MKLN1: variants seen among roughly 807,000 people sequenced by gnomAD.
MKLN1 encodes the protein muskelin 1.
In MKLN1, 18 loss-of-function variants were observed where a neutral mutation model predicts 99.0. The observed-to-expected ratio is 0.18, with a 90% CI of 0.13 to 0.27. MKLN1 has a LOEUF of 0.27. Among genes scored for constraint, MKLN1 ranks in the 10% least tolerant of loss-of-function variants. The probability of loss-of-function intolerance (pLI) is 1.00; values close to 1 mark genes in which losing one functional copy is unlikely to be tolerated. For missense variants in MKLN1, 621 were observed against 875.9 expected (o/e 0.71, Z 3.67); for synonymous variants, 288 against 293.2 (o/e 0.98, Z 0.18).
At chr7:131,206,920 A>C (rs1796821286) in intron 3 of MKLN1, among the ~76,000 whole-genome samples, 1 of 152,092 alleles carries the variant, frequency 6.6e-6, no homozygotes, top group African/African-American at 2.4e-5. Flanking sequence ...CATGATTTAA[A>C]ATGTTGCCAA....
chr7:131,421,795 C>T (rs1397413029), intron 8 of MKLN1, among the ~76,000 whole-genome samples: 1 of 152,016 alleles, frequency 6.6e-6, no homozygotes, highest in Non-Finnish European at 1.5e-5. Flanking sequence ...AAGTTTAAAA[C>T]AACTTGAAAA....
At chr7:131,417,840 G>A (rs752740993) in intron 8 of MKLN1, among the ~76,000 whole-genome samples, 2 of 152,150 alleles carry the variant, frequency 1.3e-5, no homozygotes, top group South Asian at 4.2e-4. Flanking sequence ...GTTACGTCTG[G>A]TGGTACAATT....
intron 2 of MKLN1, among the ~76,000 whole-genome samples, chr7:131,162,120 G>GCCTCCTGAGTTCAAGCGAT (rs1796064137): frequency 6.6e-6 from 1 of 150,980 alleles, no homozygotes; most frequent in Non-Finnish European, 1.5e-5. Context: ...TGCAACCTCC[G>GCCTCCTGAGTTCAAGCGAT]CCTCCTGAGT....
intron 3 of MKLN1, among the ~76,000 whole-genome samples, chr7:131,292,532 T>A (rs1798236549): frequency 6.6e-6 from 1 of 152,200 alleles, no homozygotes; most frequent in Non-Finnish European, 1.5e-5. Context: ...GGGCTCCTAA[T>A]CCAATCTGAC....
At chr7:131,477,645 C>G (rs1797005433) in intron 16 of MKLN1, among the ~76,000 whole-genome samples, 1 of 152,154 alleles carries the variant, frequency 6.6e-6, no homozygotes, top group African/African-American at 2.4e-5. Context: ...TTTCATAACT[C>G]TTGCTTAGAT....
intron 3 of MKLN1, among the ~76,000 whole-genome samples, chr7:131,289,672 T>C (rs553980068): frequency 6.6e-6 from 1 of 152,324 alleles, no homozygotes; most frequent in South Asian, 2.1e-4. Flanking sequence ...GGGGCAGTTA[T>C]TTAACTTTCC....
At position 131,423,085 on chromosome 7, in the gene MKLN1, A is replaced by G. The variant is rs1043387443; in HGVS notation, c.848-5948A>G. 2.0e-5 allele frequency among the ~76,000 whole-genome samples: 3 copies of G among 152,284 alleles called. No individual in the cohort carries two copies. In the South Asian group the frequency reaches 6.2e-4, roughly 32 times the overall value. ...TGTTGAGTTAGAAATATATTAATAAATTTCCATTGTGTTAGGCTGTTCCTT... is the reference window on the plus strand; with the variant it reads ...TGTTGAGTTAGAAATATATTAATAAGTTTCCATTGTGTTAGGCTGTTCCTT... On this transcript the variant is annotated intron_variant, in intron 8 of 17. Coordinates refer to ENST00000352689, the MANE Select transcript of MKLN1 (RefSeq NM_013255.5).
chr7:131,320,819 A>C (rs1414750484), intron 3 of MKLN1, among the ~76,000 whole-genome samples: 1 of 152,242 alleles, frequency 6.6e-6, no homozygotes. Flanking sequence ...GCCAACAAAC[A>C]TATGAAAAAT....
At chr7:131,146,050 C>A (rs1382010544) in intron 2 of MKLN1, among the ~76,000 whole-genome samples, 2 of 152,226 alleles carry the variant, frequency 1.3e-5, no homozygotes, top group Non-Finnish European at 2.9e-5. Flanking sequence ...ATCAATCCCA[C>A]TAGCTCATTT....
chr7:131,430,167 C>T (rs1563344173), intron 9 of MKLN1, among the ~76,000 whole-genome samples: 1 of 151,938 alleles, frequency 6.6e-6, no homozygotes, highest in South Asian at 2.1e-4. Context: ...GGAGATAAAA[C>T]GGCCTAATTC....
chr7:131,210,564 A>T (rs1219106937), intron 3 of MKLN1, among the ~76,000 whole-genome samples: 2 of 141,062 alleles, frequency 1.4e-5, no homozygotes, highest in African/African-American at 2.7e-5. Flanking sequence ...TTAGCCAGGC[A>T]TGGTGGTGCA....
chr7:131,294,607 C>T (rs1798264877), intron 3 of MKLN1, among the ~76,000 whole-genome samples: 1 of 152,184 alleles, frequency 6.6e-6, no homozygotes. Flanking sequence ...AATGAGCTAG[C>T]TCAAACCAGG....
At chr7:131,129,847 A>T (rs1180630555) in intron 1 of MKLN1, among the ~76,000 whole-genome samples, 2 of 152,232 alleles carry the variant, frequency 1.3e-5, no homozygotes, top group Admixed American at 6.5e-5. Flanking sequence ...AAGTGCTGAG[A>T]TTACAGGTGT....
At chr7:131,184,755 G>C (rs1290321479) in intron 2 of MKLN1, among the ~76,000 whole-genome samples, 5 of 152,130 alleles carry the variant, frequency 3.3e-5, no homozygotes, top group South Asian at 2.1e-4. Context: ...TCGAACTCCT[G>C]ACCTCAGGTG....
chr7:131,197,616 C>T (rs2116400855), intron 2 of MKLN1, among the ~76,000 whole-genome samples: 1 of 151,864 alleles, frequency 6.6e-6, no homozygotes, highest in Non-Finnish European at 1.5e-5. Context: ...TGGATGCTCT[C>T]TTCTAGAGCA....
intron 1 of MKLN1, among the ~76,000 whole-genome samples, chr7:131,122,660 G>T (rs551034204): frequency 2.6e-5 from 4 of 152,132 alleles, no homozygotes; most frequent in Admixed American, 1.3e-4. Flanking sequence ...GTGACTACTG[G>T]CAGGAAGAGA....
intron 11 of MKLN1, among the ~76,000 whole-genome samples, chr7:131,444,538 A>G (rs974668563): frequency 4.6e-5 from 7 of 151,960 alleles, no homozygotes; most frequent in Non-Finnish European, 8.8e-5. Context: ...GTCTGATTCA[A>G]ATAAAATATT....
intron 12 of MKLN1, among the ~76,000 whole-genome samples, chr7:131,450,501 AAGTCTAAACTTAACATAATT>A (rs1360704785): frequency 1.3e-5 from 2 of 152,182 alleles, no homozygotes; most frequent in African/African-American, 4.8e-5. Context: ...CCTCAGGATT[AAGTCTAAACTTAACATAATT>A]CACAGACTCT....
intron 3 of MKLN1, among the ~76,000 whole-genome samples, chr7:131,288,736 C>T (rs35680304): frequency 0.46 from 70,040 of 151,948 alleles, 19,396 homozygotes; most frequent in Admixed American, 0.63. Flanking sequence ...AGTATTGTGA[C>T]TCTCCACTGC....
Sources: gnomAD v4.1 joint callset for allele counts (sites outside exome capture counted in the v4.1 genomes callset) on GRCh38, gnomAD v4.1.1 for gene constraint, MANE v1.5 for transcripts, NCBI Gene and HGNC (gene_info 2026-07-23, HGNC 2026-07-21) for gene names.